The following BLOC1S3 variants were observed in gnomAD, a reference collection of about 807,000 sequenced individuals.
BLOC1S3 encodes the protein biogenesis of lysosomal organelles complex 1 subunit 3.
BLOC1S3 carries 7 observed loss-of-function variants against 9.1 expected under a neutral mutation model. The observed-to-expected ratio is 0.77, with a 90% CI of 0.44 to 1.45. The LOEUF (loss-of-function observed/expected upper bound fraction) is 1.45. BLOC1S3 is among the 40% of genes most tolerant of loss of function. The pLI is 0.01. For missense variants in BLOC1S3, 307 were observed against 315.2 expected (o/e 0.97, Z 0.20); for synonymous variants, 145 against 158.4 (o/e 0.92, Z 0.64).
At chr19:45,189,060 T>C (rs943864831) in intron 2 of BLOC1S3, among the ~76,000 whole-genome samples, 27 of 152,092 alleles carry the variant, frequency 1.8e-4, no homozygotes, top group Admixed American at 1.8e-3. Flanking sequence ...TCCTCCCGCC[T>C]TGGGCTCCCA....
Position 45,179,099 on chromosome 19 carries a change from T to G in BLOC1S3, c.-9-189T>G, listed in dbSNP as rs1441325321. On this transcript the variant is annotated intron_variant, in intron 1 of 1. Coordinates refer to ENST00000433642, the MANE Select transcript of BLOC1S3 (RefSeq NM_212550.5). The surrounding 1 kb of genome is among the most constrained non-coding windows in gnomAD (Gnocchi z 4.6). ...GTCTTCAGTTTCCCCATCTGTACGC[T>G]GAAGAGCCTGGGGTCCAGTAACCCC... 5.4e-6 allele frequency: 3 copies of G among 553,898 alleles called. No homozygotes were observed. The East Asian group carries it at 1.0e-4, about 19-fold the overall frequency. The allele number at this position is 553,898 out of a possible 1,614,324, so 34.3% of individuals were successfully genotyped here.
chr19:45,206,612 C>A (rs1969729392), intron 3 of BLOC1S3, among the ~76,000 whole-genome samples: 1 of 139,376 alleles, frequency 7.2e-6, no homozygotes, highest in Admixed American at 7.4e-5. Flanking sequence ...TGTGCCCCCA[C>A]ACCTAGTTAA....
chr19:45,184,856 C>T (rs1038646914), downstream of BLOC1S3, among the ~76,000 whole-genome samples: 4 of 134,530 alleles, frequency 3.0e-5, no homozygotes, highest in Admixed American at 8.5e-5. Flanking sequence ...GCCAAGATAG[C>T]GCCACTGCAG....
chr19:45,201,918 G>A (rs923685755), intron 2 of BLOC1S3, among the ~76,000 whole-genome samples: 4 of 152,062 alleles, frequency 2.6e-5, no homozygotes, highest in African/African-American at 7.2e-5. Flanking sequence ...TGTCTTGCCT[G>A]CCACCATGTA....
rs1475430069 is a variant in BLOC1S3 at position 45,179,071 on chromosome 19, C to G, written c.-9-217C>G. Among the ~76,000 whole-genome samples the G allele has an allele frequency of 4.6e-5, 7 of 152,208 alleles. No individual in the cohort carries two copies. Among genetic ancestry groups the G allele is most frequent in the Non-Finnish European group, 8.8e-5 (6 of 68,036 alleles). On this transcript the variant is annotated intron_variant, in intron 1 of 1. Transcript: ENST00000433642. This position sits in a 1 kb window ranked among gnomAD's most constrained non-coding sequence, Gnocchi z 4.6. Reference sequence around the variant, plus strand: ...CTCGGGCCCCAGATCCTTGTTCGAGCTGGTCTTCAGTTTCCCCATCTGTAC... The same window carrying G: ...CTCGGGCCCCAGATCCTTGTTCGAGGTGGTCTTCAGTTTCCCCATCTGTAC...
chr19:45,179,951 T>C lies in BLOC1S3; in HGVS notation c.*46T>C. The stretch of plus-strand genomic sequence containing the variant: ...CTGACTGCAATTTGGGGGTAGGCCT[T>C]GCTGCCTCTGGGACCTGACTCTGTC... On this transcript the variant is annotated 3_prime_UTR_variant, in exon 2 of 2. Transcript: ENST00000433642. The surrounding 1 kb of genome is among the most constrained non-coding windows in gnomAD (Gnocchi z 4.6). The C allele has an allele frequency of 7.6e-6, 12 of 1,586,704 alleles. No individual in the cohort carries two copies. Among genetic ancestry groups the C allele is most frequent in the Non-Finnish European group, 1.0e-5 (12 of 1,166,800 alleles).
At chr19:45,213,048 A>T in intron 3 of BLOC1S3, 1 of 1,464,678 alleles carries the variant, frequency 6.8e-7, no homozygotes. Context: ...GGGGTCACTA[A>T]GGCCGGCGGT....
At chr19:45,205,699 A>G (rs1014347814) in intron 3 of BLOC1S3, among the ~76,000 whole-genome samples, 2 of 152,344 alleles carry the variant, frequency 1.3e-5, no homozygotes, top group East Asian at 1.9e-4. Flanking sequence ...GGAGAATGAA[A>G]AGATAAGCCA....
chr19:45,179,385 C>G lies in BLOC1S3; in HGVS notation c.89C>G (p.Ser30Cys), dbSNP rs747855208. The change falls in exon 2 of 2, where the codon TCT (serine) becomes TGT (cysteine). Residue 30 changes from serine (S) to cysteine (C), a missense_variant. Coordinates refer to ENST00000433642, the MANE Select transcript of BLOC1S3 (RefSeq NM_212550.5). The surrounding 1 kb of genome is among the most constrained non-coding windows in gnomAD (Gnocchi z 4.6). Reference sequence around the variant, plus strand: ...GCGACCGAGACGGATTCCGAGCGCTCTGCGTCCTCGTCGGAGGAGGAGGAG... The same window carrying G: ...GCGACCGAGACGGATTCCGAGCGCTGTGCGTCCTCGTCGGAGGAGGAGGAG... ...GEATETDSER[S>C]ASSSEEEELY... The G allele has an allele frequency of 7.0e-6, 11 of 1,580,328 alleles. No homozygotes were observed. The highest frequency in any genetic ancestry group is 6.8e-5 in the South Asian group (6 of 88,422).
chr19:45,202,210 TAAAAA>T (rs59295257), intron 2 of BLOC1S3, among the ~76,000 whole-genome samples: 6 of 54,930 alleles, frequency 1.1e-4, no homozygotes, highest in Admixed American at 2.7e-4. Flanking sequence ...AGACTCCATC[TAAAAA>T]AAAAAAAAAA....
Position 45,179,524 on chromosome 19 carries a change from G to A in BLOC1S3, c.228G>A (p.Ala76=). The A allele has an allele frequency of 6.6e-7, 1 of 1,523,450 alleles. No individual in the cohort carries two copies. The highest frequency in any genetic ancestry group is 8.8e-7 in the Non-Finnish European group (1 of 1,142,702). 94.4% of individuals were successfully genotyped at this position (1,523,450 alleles called of 1,614,324 possible). Residue 76 remains alanine, a synonymous_variant, in exon 2 of 2, where the codon GCG becomes GCA. Coordinates refer to ENST00000433642, the MANE Select transcript of BLOC1S3 (RefSeq NM_212550.5). This position sits in a 1 kb window ranked among gnomAD's most constrained non-coding sequence, Gnocchi z 4.6. ...AGCCGGAGCCGGAACCGACGGCCGC[G>A]CCGAGGGACCTGCCTCCACTCGTGG... is the stretch of plus-strand genomic sequence containing the variant. ...EPEPEPEPTA[A]PRDLPPLVVQ...
chr19:45,214,964 T>A (rs1969817962), intron 3 of BLOC1S3, among the ~76,000 whole-genome samples: 2 of 151,928 alleles, frequency 1.3e-5, no homozygotes, highest in Non-Finnish European at 2.9e-5. Flanking sequence ...AAGACCAGTG[T>A]GGTCAACTTG....
At chr19:45,206,485 TCA>T (rs1325519627) in intron 3 of BLOC1S3, among the ~76,000 whole-genome samples, 17 of 139,292 alleles carry the variant, frequency 1.2e-4, no homozygotes, top group South Asian at 2.5e-4. Context: ...AGCAAGGATC[TCA>T]CTCTTTTGCC....
chr19:45,213,400 C>G (rs754644497), intron 3 of BLOC1S3: 55 of 1,603,808 alleles, frequency 3.4e-5, no homozygotes, highest in Non-Finnish European at 8.5e-7. Flanking sequence ...ATCCCCAGCT[C>G]TAGACACACA....
At chr19:45,200,976 C>T (rs1050385955) in intron 2 of BLOC1S3, among the ~76,000 whole-genome samples, 5 of 152,040 alleles carry the variant, frequency 3.3e-5, no homozygotes, top group Non-Finnish European at 4.4e-5. Flanking sequence ...CCTAGGCAGG[C>T]GGATCATCTG....
At chr19:45,210,371 C>T (rs1969759571) in intron 3 of BLOC1S3, among the ~76,000 whole-genome samples, 1 of 134,702 alleles carries the variant, frequency 7.4e-6, no homozygotes, top group Admixed American at 8.5e-5. Flanking sequence ...ACGATCTCGG[C>T]TCACTTCAAC....
chr19:45,197,255 G>A lies in BLOC1S3; in HGVS notation n.181-5151G>A, dbSNP rs113468878. 9.4e-3 allele frequency among the ~76,000 whole-genome samples: 1,430 copies of A among 152,198 alleles called. 26 individuals carry two copies. The highest frequency in any genetic ancestry group is 0.033 in the African/African-American group (1,363 of 41,548). On this transcript the variant is annotated intron_variant and non_coding_transcript_variant, in intron 2 of 3. Transcript: ENST00000591569. ...AATCCTAGCACTTTGGGAGACCAAG[G>A]TGGGAAGATTTGCTAGAGCTCAGGA...
chr19:45,187,379 G>A (rs751555332), upstream of BLOC1S3: 1 of 152,366 alleles, frequency 6.6e-6, no homozygotes, highest in Non-Finnish European at 1.5e-5. Flanking sequence ...AACTTCGCTG[G>A]AGGCTTGGAG....
downstream of BLOC1S3, among the ~76,000 whole-genome samples, chr19:45,183,919 GC>G (rs1354396611): frequency 6.6e-6 from 1 of 152,038 alleles, no homozygotes; most frequent in Non-Finnish European, 1.5e-5. Context: ...ACAGGCATGA[GC>G]CACCACACCT....
Sources: gnomAD v4.1 joint callset for allele counts (sites outside exome capture counted in the v4.1 genomes callset) on GRCh38, gnomAD v4.1.1 for gene constraint, Gnocchi (gnomAD v3.1) non-coding constraint, MANE v1.5 for transcripts, NCBI Gene and HGNC (gene_info 2026-07-23, HGNC 2026-07-21) for gene names.